TRPM8: variants seen among roughly 807,000 people sequenced by gnomAD.
TRPM8 encodes TRPM8 cationic channel.
A neutral mutation model predicts 133.7 loss-of-function variants in TRPM8; 110 were observed. The observed-to-expected ratio is 0.82, with a 90% confidence interval of 0.70 to 0.96. The LOEUF (loss-of-function observed/expected upper bound fraction) is 0.96, where lower values mean the gene tolerates loss of function less well. Ranked by LOEUF, TRPM8 falls within the 40% of genes least tolerant of loss-of-function variation. The pLI, the probability that TRPM8 is intolerant of heterozygous loss-of-function variation, is 0.00. For missense variants in TRPM8, 1,291 were observed against 1,379.5 expected, an observed-to-expected ratio of 0.94 and a Z score of 1.02; for synonymous variants, 535 against 532.3, an observed-to-expected ratio of 1.01 and a Z score of -0.07.
intron 17 of TRPM8, among the ~76,000 whole-genome samples, chr2:233,978,849 G>T (rs1283990212): frequency 6.6e-6 from 1 of 152,130 alleles, no homozygotes; most frequent in Non-Finnish European, 1.5e-5. Flanking sequence ...ATTTCATAGT[G>T]CCCTCACCCC....
intron 22 of TRPM8, among the ~76,000 whole-genome samples, chr2:234,000,592 A>G (rs539065283): frequency 1.3e-4 from 20 of 152,354 alleles, no homozygotes; most frequent in African/African-American, 4.3e-4. Flanking sequence ...AACAAAAGAC[A>G]GAGTAACAAG....
chr2:233,937,328 C>T (rs1690777898), intron 3 of TRPM8, 25 bp from the exon 4 acceptor site: 2 of 1,612,030 alleles, frequency 1.2e-6, no homozygotes, highest in Non-Finnish European at 1.7e-6. Context: ...TCCTTCCTTC[C>T]TGTCCACACC....
intron 17 of TRPM8, among the ~76,000 whole-genome samples, chr2:233,979,062 A>C (rs1691941180): frequency 6.6e-6 from 1 of 152,176 alleles, no homozygotes; most frequent in African/African-American, 2.4e-5. Context: ...CGAGTTCCTT[A>C]GCCTCTCTAG....
chr2:234,006,462 A>G (rs1483227110), intron 22 of TRPM8, among the ~76,000 whole-genome samples: 1 of 152,206 alleles, frequency 6.6e-6, no homozygotes, highest in African/African-American at 2.4e-5. Flanking sequence ...TAAGTACACA[A>G]TTCATCAGCA....
chr2:234,008,613 T>C (rs1692755932), intron 24 of TRPM8, among the ~76,000 whole-genome samples: 1 of 152,198 alleles, frequency 6.6e-6, no homozygotes, highest in Non-Finnish European at 1.5e-5. Context: ...AATCGATTCG[T>C]ATATGCTAGA....
intron 22 of TRPM8, among the ~76,000 whole-genome samples, chr2:234,006,517 A>G (rs1692696923): frequency 6.6e-6 from 1 of 152,242 alleles, no homozygotes; most frequent in Non-Finnish European, 1.5e-5. Context: ...ATCAAAATGG[A>G]AGAAGAGCAC....
chr2:234,005,355 T>C (rs1411490021), intron 22 of TRPM8, among the ~76,000 whole-genome samples: 1 of 152,234 alleles, frequency 6.6e-6, no homozygotes, highest in Non-Finnish European at 1.5e-5. Context: ...TTTCTTTGAC[T>C]GTTACAGAGG....
intron 17 of TRPM8, among the ~76,000 whole-genome samples, chr2:233,971,665 T>G (rs963837762): frequency 2.0e-5 from 3 of 151,966 alleles, no homozygotes; most frequent in Non-Finnish European, 4.4e-5. Flanking sequence ...CTTCTGATGT[T>G]CGGATGTGTT....
At chr2:233,980,161 T>TCCC (rs1691969953) in intron 17 of TRPM8, 27 bp from the exon 18 acceptor site, 1 of 1,449,156 alleles carries the variant, frequency 6.9e-7, no homozygotes, top group African/African-American at 1.4e-5. Flanking sequence ...GCTGCTGATG[T>TCCC]CCCTCTCTGT....
At chr2:233,943,364 T>C (rs4663342) in intron 6 of TRPM8, among the ~76,000 whole-genome samples, 3,533 of 152,134 alleles carry the variant, frequency 0.023, 120 homozygotes, top group East Asian at 0.15. Flanking sequence ...GTGGCACATA[T>C]ACACCATGGA....
At chr2:234,011,607 TC>T (rs1251517449) in intron 24 of TRPM8, among the ~76,000 whole-genome samples, 1 of 152,172 alleles carries the variant, frequency 6.6e-6, no homozygotes, top group African/African-American at 2.4e-5. Flanking sequence ...GGGATGTTTT[TC>T]CATTTATTTG....
intron 22 of TRPM8, among the ~76,000 whole-genome samples, chr2:234,002,248 A>T (rs1296570183): frequency 2.0e-5 from 3 of 151,960 alleles, no homozygotes; most frequent in Non-Finnish European, 4.4e-5. Context: ...GGGAGTTAAG[A>T]GAGGTAGGAG....
chr2:233,978,668 C>G lies in TRPM8; in HGVS notation c.2356-1520C>G, dbSNP rs1691930615. ...ATTCAATATTCCTTGAATGATGGAC[C>G]ACATCTTTTTCCTAGATTATGCTTT... On this transcript the variant is annotated intron_variant, in intron 17 of 25. Coordinates refer to ENST00000324695, the MANE Select transcript of TRPM8 (RefSeq NM_024080.5). Among the ~76,000 whole-genome samples, 3 of 152,024 alleles carry G rather than the reference C, an allele frequency of 2.0e-5. No individual in the cohort carries two copies. The South Asian group carries it at 6.2e-4, about 32-fold the overall frequency.
At chr2:233,998,651 C>CGCCTGTGCCCATCCAGTTAGGGTGAGCA (rs748661565) in intron 22 of TRPM8, among the ~76,000 whole-genome samples, 1 of 144,244 alleles carries the variant, frequency 6.9e-6, no homozygotes, top group African/African-American at 2.6e-5. Context: ...TAGGGTGAGC[C>CGCCTGTGCCCATCCAGTTAGGGTGAGCA]GCCTGTGCCC....
chr2:233,990,718 G>A (rs138545150), intron 21 of TRPM8, among the ~76,000 whole-genome samples: 13 of 152,172 alleles, frequency 8.5e-5, no homozygotes, highest in African/African-American at 2.6e-4. Context: ...CTCAGGATGC[G>A]GTCTGTGCAC....
rs57935574 is a variant in TRPM8, at chr2:233,961,630, CTT to C, written c.1653+580_1653+581del. Among the ~76,000 whole-genome samples, 607 of 111,658 alleles carry C rather than the reference CTT, an allele frequency of 5.4e-3. 4 individuals carry two copies. Among genetic ancestry groups the C allele is most frequent in the Admixed American group, 0.011 (121 of 10,740 alleles). 73.3% of individuals were successfully genotyped at this position (111,658 alleles called of 152,430 possible). ...CTTTTTTCTTCTTTTCTTTTCTTTTCTTTTTTTTTTTTTTTTTGAGACAGAGT... is the reference window on the plus strand; with the variant it reads ...CTTTTTTCTTCTTTTCTTTTCTTTTCTTTTTTTTTTTTTTTGAGACAGAGT... On this transcript the variant is annotated intron_variant, in intron 12 of 25. Transcript: ENST00000324695.
At chr2:233,970,101 T>A in intron 16 of TRPM8, 109 bp from the exon 17 acceptor site, 1 of 1,053,344 alleles carries the variant, frequency 9.5e-7, no homozygotes, top group Admixed American at 1.7e-5. Context: ...TGCTCCCGTC[T>A]CTTCCTCCTG....
intron 21 of TRPM8, among the ~76,000 whole-genome samples, chr2:233,987,035 T>C (rs1692162944): frequency 6.6e-6 from 1 of 152,198 alleles, no homozygotes; most frequent in South Asian, 2.1e-4. Flanking sequence ...AGGAAAGTAC[T>C]TCAAAAATAG....
chr2:233,983,874 A>C (rs191691005), intron 20 of TRPM8, among the ~76,000 whole-genome samples: 1 of 152,260 alleles, frequency 6.6e-6, no homozygotes, highest in Non-Finnish European at 1.5e-5. Flanking sequence ...CCTCCTGGTC[A>C]CAGTTCTTTG....
Sources: gnomAD v4.1 joint callset for allele counts (sites outside exome capture counted in the v4.1 genomes callset) on GRCh38, gnomAD v4.1.1 for gene constraint, MANE v1.5 for transcripts, NCBI Gene and HGNC (gene_info 2026-07-23, HGNC 2026-07-21) for gene names.